The following SERPINE3 variants were observed in gnomAD, a reference collection of about 807,000 sequenced individuals.
SERPINE3 encodes serpin E3.
A neutral mutation model predicts 41.7 loss-of-function variants in SERPINE3; 43 were observed. The ratio of observed to expected loss-of-function variants is 1.03; its 90% CI spans 0.81 to 1.33. SERPINE3 has a LOEUF of 1.33. SERPINE3 is among the 40% of genes most tolerant of loss of function. The probability of loss-of-function intolerance (pLI) is 0.00; values close to 1 mark genes in which losing one functional copy is unlikely to be tolerated. For missense variants in SERPINE3, 440 were observed against 491.7 expected (o/e 0.89, Z 0.99); for synonymous variants, 200 against 192.2 (o/e 1.04, Z -0.34).
intron 5 of SERPINE3, 59 bp from the exon 6 acceptor site, chr13:51,348,154 A>T: frequency 7.5e-7 from 1 of 1,340,550 alleles, no homozygotes; most frequent in Non-Finnish European, 1.0e-6. Flanking sequence ...AGGGTCCGAC[A>T]CTGGTTCATT....
chr13:51,347,212 C>A lies in SERPINE3; in HGVS notation c.678C>A (p.His226Gln). 1 of 1,613,842 alleles carries A rather than the reference C, an allele frequency of 6.2e-7. No homozygotes were observed. Among genetic ancestry groups the A allele is most frequent in the Non-Finnish European group, 8.5e-7 (1 of 1,179,830 alleles). ...TCGTCCTTCAGGTCCCCATGATGCACCAAACGACCGAGGTCAACTACGGTG... is the reference window on the plus strand; with the variant it reads ...TCGTCCTTCAGGTCCCCATGATGCAACAAACGACCGAGGTCAACTACGGTG... ...YGLVLQVPMM[H>Q]QTTEVNYGQF... The change falls in exon 5 of 10, where the codon CAC becomes CAA. Residue 226 changes from histidine (H) to glutamine (Q), a missense_variant. Physicochemically the swap from His to Gln is conservative, Grantham distance 24 (BLOSUM62 0). Transcript: ENST00000681248.
intron 6 of SERPINE3, among the ~76,000 whole-genome samples, chr13:51,352,000 AT>A (rs1188960478): frequency 6.6e-6 from 1 of 152,096 alleles, no homozygotes; most frequent in Non-Finnish European, 1.5e-5. Context: ...AGGCATAGAT[AT>A]TTGTATATTT....
intron 7 of SERPINE3, among the ~76,000 whole-genome samples, chr13:51,357,666 T>A (rs894820173): frequency 6.6e-6 from 1 of 151,894 alleles, no homozygotes; most frequent in East Asian, 1.9e-4. Context: ...CAGAGTGTAG[T>A]TCCCCCCCAG....
Position 51,354,710 on chromosome 13 carries a change from C to A in SERPINE3, c.900-333C>A, listed in dbSNP as rs541117422. 3.0e-4 allele frequency among the ~76,000 whole-genome samples: 46 copies of A among 151,994 alleles called. 1 individual carries two copies. Among genetic ancestry groups the A allele is most frequent in the African/African-American group, 1.1e-3 (45 of 41,434 alleles). ...TGTTCTATATATCGTAAGAGCAGAA[C>A]AAGGTATTAATGGGGCTTTAAGAAC... On this transcript the variant is annotated intron_variant, in intron 6 of 9. Coordinates refer to ENST00000681248, the MANE Select transcript of SERPINE3 (RefSeq NM_001386375.1).
chr13:51,342,491 G>A (rs1299379911), intron 3 of SERPINE3, among the ~76,000 whole-genome samples: 1 of 152,160 alleles, frequency 6.6e-6, no homozygotes, highest in African/African-American at 2.4e-5. Flanking sequence ...GTCAACCTCC[G>A]GCATTTTTTA....
intron 6 of SERPINE3, among the ~76,000 whole-genome samples, chr13:51,353,221 A>G (rs1566194250): frequency 6.6e-6 from 1 of 152,180 alleles, no homozygotes; most frequent in Non-Finnish European, 1.5e-5. Context: ...ATGAAAAATG[A>G]TATTATCCAG....
chr13:51,364,260 G>A lies in SERPINE3; in HGVS notation c.1193G>A (p.Arg398Lys), dbSNP rs756386485. The stretch of plus-strand genomic sequence containing the variant: ...ACAGGGTTTGTCTTCAGTATTGGGA[G>A]AGTTTCAAATCCCCTAGACTAAATG... Reference protein sequence around the residue: ...PNTGFVFSIGRVSNPLD With the variant: ...PNTGFVFSIGKVSNPLD Residue 398 changes from arginine to lysine, a missense_variant, in exon 10 of 10, where the codon AGA (arginine) becomes AAA (lysine). Physicochemically the swap from Arg to Lys is conservative, Grantham distance 26 (BLOSUM62 2). Coordinates refer to ENST00000681248, the MANE Select transcript of SERPINE3 (RefSeq NM_001386375.1). 3.4e-6 allele frequency: 5 copies of A among 1,478,326 alleles called. No homozygotes were observed. The South Asian group carries it at 6.2e-5, about 18-fold the overall frequency. 91.6% of individuals were successfully genotyped at this position (1,478,326 alleles called of 1,614,324 possible).
At chr13:51,346,203 C>T (rs1955344108) in intron 4 of SERPINE3, among the ~76,000 whole-genome samples, 2 of 152,202 alleles carry the variant, frequency 1.3e-5, no homozygotes, top group South Asian at 4.1e-4. Context: ...GGGTGGTCTG[C>T]CAGCTCCTCT....
At chr13:51,344,112 C>A (rs1334340274) in intron 3 of SERPINE3, 140 bp from the exon 4 acceptor site, 2 of 658,706 alleles carry the variant, frequency 3.0e-6, no homozygotes, top group Non-Finnish European at 5.4e-6. Flanking sequence ...CTTTTTCAAA[C>A]TGGCTTTGTA....
At chr13:51,352,798 T>C (rs1045752776) in intron 6 of SERPINE3, among the ~76,000 whole-genome samples, 3 of 152,116 alleles carry the variant, frequency 2.0e-5, no homozygotes, top group Non-Finnish European at 4.4e-5. Context: ...TGTTTGTTTG[T>C]TTTTAGTCAT....
At chr13:51,355,601 A>T (rs74084808) in intron 7 of SERPINE3, among the ~76,000 whole-genome samples, 1 of 151,732 alleles carries the variant, frequency 6.6e-6, no homozygotes, top group Non-Finnish European at 1.5e-5. Context: ...CATCTGTCCA[A>T]TTTCCTTTTT....
rs764146491 is a variant in SERPINE3, at chr13:51,356,373, C to T, written c.1000+1230C>T. On this transcript the variant is annotated intron_variant, in intron 7 of 9. Coordinates refer to ENST00000681248, the MANE Select transcript of SERPINE3 (RefSeq NM_001386375.1). ...AAAAGATTGGAGGGCAAGGAAAGAG[C>T]AAGGGATGAAGAACTTAAGAGAATT... Among the ~76,000 whole-genome samples, 18 of 152,024 alleles carry T rather than the reference C, an allele frequency of 1.2e-4. 1 individual carries two copies. Among genetic ancestry groups the T allele is most frequent in the Admixed American group, 3.3e-4 (5 of 15,244 alleles).
At chr13:51,360,807 T>C (rs1955562835) in intron 7 of SERPINE3, among the ~76,000 whole-genome samples, 1 of 152,040 alleles carries the variant, frequency 6.6e-6, no homozygotes, top group African/African-American at 2.4e-5. Context: ...AAAGTGGCTC[T>C]TAAAGTGCAG....
Position 51,345,822 on chromosome 13 carries a change from G to C in SERPINE3, c.491-1203G>C, listed in dbSNP as rs1253532402. Among the ~76,000 whole-genome samples, 5 of 152,228 alleles carry C rather than the reference G, an allele frequency of 3.3e-5. No individual in the cohort carries two copies. In the South Asian group the frequency reaches 6.2e-4, roughly 19 times the overall value. ...TGTGCTGCCAGGGCGTAAGGCCAGA[G>C]AAGCAGCTCCCAGTGCAGGCTGATT... On this transcript the variant is annotated intron_variant, in intron 4 of 9. Transcript: ENST00000681248.
chr13:51,343,256 G>T (rs1297410667), intron 3 of SERPINE3, among the ~76,000 whole-genome samples: 1 of 152,168 alleles, frequency 6.6e-6, no homozygotes, highest in Non-Finnish European at 1.5e-5. Flanking sequence ...GTAGATAACT[G>T]CAGGGCTGTG....
chr13:51,344,564 G>A, intron 4 of SERPINE3, 79 bp downstream of exon 4: 2 of 1,186,330 alleles, frequency 1.7e-6, no homozygotes, highest in Admixed American at 2.0e-5. Context: ...CTTGTCAGAG[G>A]CCATGGTGCT....
At position 51,341,199 on chromosome 13, in the gene SERPINE3, C is replaced by A; in HGVS notation, c.108C>A (p.His36Gln). The A allele has an allele frequency of 6.2e-7, 1 of 1,614,050 alleles. No individual in the cohort carries two copies. The highest frequency in any genetic ancestry group is 1.1e-5 in the South Asian group (1 of 91,080). The part of the protein sequence containing the change: ...MTLLKTEFAL[H>Q]LYQSVAACRN... ...TGCTGAAGACTGAGTTTGCACTTCA[C>A]CTCTACCAGAGTGTGGCCGCGTGTA... Residue 36 changes from histidine (H) to glutamine (Q), a missense_variant, in exon 3 of 10, where the codon CAC becomes CAA. Physicochemically the swap from His to Gln is conservative, Grantham distance 24 (BLOSUM62 0). Transcript: ENST00000681248.
In SERPINE3 at chr13:51,347,043, G is replaced by T; in HGVS notation, c.509G>T (p.Gly170Val). The T allele has an allele frequency of 1.3e-6, 2 of 1,586,168 alleles. No individual in the cohort carries two copies. The highest frequency in any genetic ancestry group is 1.7e-6 in the Non-Finnish European group (2 of 1,165,836). The change falls in exon 5 of 10, where the codon GGC becomes GTC. Residue 170 changes from glycine to valine, a missense_variant. Transcript: ENST00000681248. The stretch of plus-strand genomic sequence containing the variant: ...CTTGCAGGTGGGGGCCCCAGTGAGG[G>T]CCCTGGTGGCTGGCCGTGGGAGCAA... ...RETAGGGPSEGPGGWPWEQVS... is the reference protein window; with the variant it reads ...RETAGGGPSEVPGGWPWEQVS...
intron 9 of SERPINE3, 158 bp downstream of exon 9, chr13:51,362,051 A>AG: frequency 6.3e-7 from 1 of 1,581,360 alleles, no homozygotes; most frequent in South Asian, 1.2e-5. Flanking sequence ...ATCCTAAGAA[A>AG]GGGGACTATT....
Sources: allele counts gnomAD v4.1 joint callset (sites outside exome capture counted in the v4.1 genomes callset), GRCh38; gene constraint gnomAD v4.1.1; transcripts MANE v1.5; gene names NCBI Gene and HGNC (gene_info 2026-07-23, HGNC 2026-07-21).